ZNF462: variants seen among roughly 807,000 people sequenced by gnomAD.
ZNF462 encodes zinc finger PBX1-interacting protein.
Under a neutral mutation model 201.9 loss-of-function variants are expected in ZNF462, and 10 were observed. The ratio of observed to expected loss-of-function variants is 0.05; its 90% CI spans 0.03 to 0.08. The LOEUF (loss-of-function observed/expected upper bound fraction) is 0.08. Ranked by LOEUF, ZNF462 falls within the 10% of genes least tolerant of loss-of-function variation. The pLI, the probability that ZNF462 is intolerant of heterozygous loss-of-function variation, is 1.00. For missense variants in ZNF462, 2,523 were observed against 3,168.3 expected, an observed-to-expected ratio of 0.80 and a Z score of 4.89; for synonymous variants, 1,227 against 1,193.3, an observed-to-expected ratio of 1.03 and a Z score of -0.58.
rs1272964889 is a variant in ZNF462 at position 107,003,477 on chromosome 9, A to G, written c.7189+51A>G. 1.9e-6 allele frequency: 3 copies of G among 1,599,586 alleles called. No homozygotes were observed. Among genetic ancestry groups the G allele is most frequent in the Non-Finnish European group, 2.6e-6 (3 of 1,173,210 alleles). ...CCCAGATGGCATCTGGCATGTCCGTAGTGAGACAGAAGGGAGGCAGGAGGT... is the reference window on the plus strand; with the variant it reads ...CCCAGATGGCATCTGGCATGTCCGTGGTGAGACAGAAGGGAGGCAGGAGGT... On this transcript the variant is annotated intron_variant, in intron 11 of 12. Transcript: ENST00000277225. The surrounding 1 kb of genome is among the most constrained non-coding windows in gnomAD (Gnocchi z 4.4).
At position 106,870,944 on chromosome 9, in the gene ZNF462, A is replaced by T. The variant is rs566128206; in HGVS notation, c.-31+7589A>T. Among the ~76,000 whole-genome samples, 1 of 152,296 alleles carries T rather than the reference A, an allele frequency of 6.6e-6. No individual in the cohort carries two copies. The highest frequency in any genetic ancestry group is 1.5e-5 in the Non-Finnish European group (1 of 68,032). ...TCAGATTTAAGAAGGTAATGCCATT[A>T]TTCTTCAGTTTTGCTCATGTCAGCT... On this transcript the variant is annotated intron_variant, in intron 1 of 12. Coordinates refer to ENST00000277225, the MANE Select transcript of ZNF462 (RefSeq NM_021224.6). The surrounding 1 kb of genome is among the most constrained non-coding windows in gnomAD (Gnocchi z 4.3).
chr9:106,974,451 G>T lies in ZNF462; in HGVS notation c.6832+178G>T, dbSNP rs1826847648. On this transcript the variant is annotated intron_variant, in intron 9 of 12. Transcript: ENST00000277225. This position sits in a 1 kb window ranked among gnomAD's most constrained non-coding sequence, Gnocchi z 4.0. ...GCCAAAAGGGCAAAAACACCTTCCT[G>T]CTGGGAGTATTTCCTCCACCTGGAG... The T allele has an allele frequency of 5.6e-6, 5 of 897,598 alleles. No homozygotes were observed. In the East Asian group the frequency reaches 9.9e-5, roughly 18 times the overall value. The allele number at this position is 897,598 out of a possible 1,614,324, so 55.6% of individuals were successfully genotyped here.
At position 106,927,020 on chromosome 9, in the gene ZNF462, G is replaced by A. The variant is rs772147552; in HGVS notation, c.3108G>A (p.Ser1036=). ...TTGTTTATGATTGTGATGTTTGTTC[G>A]TTTGCAAGCCCCAACATGCATTCTG... ...TVVVYDCDVC[S]FASPNMHSVL... The change falls in exon 3 of 13, where the codon TCG becomes TCA. Residue 1036 remains serine, a synonymous_variant. Transcript: ENST00000277225. 40 of 1,614,102 alleles carry A rather than the reference G, an allele frequency of 2.5e-5. No individual in the cohort carries two copies. The highest frequency in any genetic ancestry group is 6.7e-5 in the East Asian group (3 of 44,884).
chr9:106,939,248 A>G (rs1830762471), intron 7 of ZNF462, 141 bp downstream of exon 7: 2 of 939,952 alleles, frequency 2.1e-6, no homozygotes, highest in South Asian at 1.9e-5. Context: ...AAAAGTTGAA[A>G]TGGTGTGGAA....
chr9:106,971,638 G>A (rs570557722), intron 7 of ZNF462, among the ~76,000 whole-genome samples: 26 of 151,064 alleles, frequency 1.7e-4, no homozygotes, highest in Middle Eastern at 3.4e-3. Flanking sequence ...CAAACATTCC[G>A]TTATAAAATT....
Position 106,968,206 on chromosome 9 carries a change from G to A in ZNF462, c.6428-3799G>A, listed in dbSNP as rs920529606. ...CCTACCTCTGCTTCTTCGTGTCTAT[G>A]TGACCCGTCATCCTCAGCTTCAGCT... On this transcript the variant is annotated intron_variant, in intron 7 of 12. Coordinates refer to ENST00000277225, the MANE Select transcript of ZNF462 (RefSeq NM_021224.6). The surrounding 1 kb of genome is among the most constrained non-coding windows in gnomAD (Gnocchi z 4.0). 1.3e-5 allele frequency among the ~76,000 whole-genome samples: 2 copies of A among 152,140 alleles called. No individual in the cohort carries two copies. The highest frequency in any genetic ancestry group is 2.9e-5 in the Non-Finnish European group (2 of 68,016).
At chr9:106,864,116 C>CTCA in intron 1 of ZNF462, among the ~76,000 whole-genome samples, 1 of 134,404 alleles carries the variant, frequency 7.4e-6, no homozygotes, top group East Asian at 2.2e-4. Context: ...CTCTCCCTCT[C>CTCA]CCCGAAGTTG....
upstream of ZNF462, among the ~76,000 whole-genome samples, chr9:106,861,276 A>C (rs942533105): frequency 1.3e-5 from 2 of 151,940 alleles, no homozygotes; most frequent in Admixed American, 1.3e-4. Context: ...AGATCTGTTT[A>C]TGAAGCCCCG....
intron 1 of ZNF462, among the ~76,000 whole-genome samples, chr9:106,875,708 A>G (rs1827800685): frequency 6.6e-6 from 1 of 152,208 alleles, no homozygotes; most frequent in African/African-American, 2.4e-5. Context: ...AACAACCTGT[A>G]TCAGAAGTGA....
At chr9:106,965,829 C>T (rs924562508) in intron 7 of ZNF462, among the ~76,000 whole-genome samples, 3 of 152,074 alleles carry the variant, frequency 2.0e-5, no homozygotes, top group Non-Finnish European at 4.4e-5. Context: ...GGATCACTGT[C>T]GCATACATGA....
chr9:106,909,574 AT>A (rs1360049949), intron 1 of ZNF462, among the ~76,000 whole-genome samples: 1 of 152,124 alleles, frequency 6.6e-6, no homozygotes, highest in African/African-American at 2.4e-5. Context: ...TTAGAAAATC[AT>A]TTTTTATTAC....
rs950364140 is a variant in ZNF462, at chr9:106,865,590, T to C, written c.-31+2235T>C. On this transcript the variant is annotated intron_variant, in intron 1 of 12. Coordinates refer to ENST00000277225, the MANE Select transcript of ZNF462 (RefSeq NM_021224.6). This position sits in a 1 kb window ranked among gnomAD's most constrained non-coding sequence, Gnocchi z 4.1. Reference sequence around the variant, plus strand: ...GTCGTTCCATTTGTATGTTAGGCCTTCTTTCAGTTTCTTTGTTTCCCCTTT... The same window carrying C: ...GTCGTTCCATTTGTATGTTAGGCCTCCTTTCAGTTTCTTTGTTTCCCCTTT... 6.6e-6 allele frequency among the ~76,000 whole-genome samples: 1 copy of C among 152,240 alleles called. No individual in the cohort carries two copies. Among genetic ancestry groups the C allele is most frequent in the Non-Finnish European group, 1.5e-5 (1 of 68,046 alleles).
At chr9:106,943,650 C>G (rs998844884) in intron 7 of ZNF462, among the ~76,000 whole-genome samples, 4 of 152,198 alleles carry the variant, frequency 2.6e-5, no homozygotes, top group African/African-American at 9.6e-5. Context: ...ACTCTTATTA[C>G]TCTTCCTGGT....
At chr9:106,975,933 A>G (rs866771452) in intron 9 of ZNF462, 9 of 152,250 alleles carry the variant, frequency 5.9e-5, no homozygotes, top group African/African-American at 2.2e-4. Flanking sequence ...TTACACGCAC[A>G]GTCACTTCAT....
In ZNF462 at chr9:106,924,506, T is replaced by A. The variant is rs373686378; in HGVS notation, c.594T>A (p.Ala198=). The A allele has an allele frequency of 1.2e-6, 2 of 1,614,108 alleles. No individual in the cohort carries two copies. The highest frequency in any genetic ancestry group is 3.3e-5 in the Admixed American group (2 of 60,018). The change falls in exon 3 of 13, where the codon GCT becomes GCA. Residue 198 remains alanine, a synonymous_variant. Transcript: ENST00000277225. The surrounding 1 kb of genome is among the most constrained non-coding windows in gnomAD (Gnocchi z 6.2). The part of the protein sequence containing the change: ...NLKETTAPPP[A]PAPMPDPVVP... ...AGGAGACCACTGCTCCCCCACCTGCTCCTGCTCCAATGCCAGACCCTGTGG... is the reference window on the plus strand; with the variant it reads ...AGGAGACCACTGCTCCCCCACCTGCACCTGCTCCAATGCCAGACCCTGTGG...
At chr9:106,986,767 C>G (rs1167985304) in intron 10 of ZNF462, among the ~76,000 whole-genome samples, 2 of 152,078 alleles carry the variant, frequency 1.3e-5, no homozygotes, top group Non-Finnish European at 2.9e-5. Context: ...CCTTGCCCCC[C>G]TCCACCCTTC....
At position 107,010,390 on chromosome 9, in the gene ZNF462, TA is replaced by T. The variant is rs1322789110; in HGVS notation, c.7314-430del. Among the ~76,000 whole-genome samples the T allele has an allele frequency of 6.6e-6, 1 of 152,114 alleles. No homozygotes were observed. The highest frequency in any genetic ancestry group is 2.4e-5 in the African/African-American group (1 of 41,438). ...GTGATTTGTTTCGGGACCTGACAAATAAATCTTTAGTACCTGAGTTACTCTT... is the reference window on the plus strand; with the variant it reads ...GTGATTTGTTTCGGGACCTGACAAATAATCTTTAGTACCTGAGTTACTCTT... On this transcript the variant is annotated intron_variant, in intron 12 of 12. Transcript: ENST00000277225. This position sits in a 1 kb window ranked among gnomAD's most constrained non-coding sequence, Gnocchi z 4.6.
intron 1 of ZNF462, among the ~76,000 whole-genome samples, chr9:106,874,835 T>A (rs1480797334): frequency 6.6e-6 from 1 of 152,200 alleles, no homozygotes; most frequent in Non-Finnish European, 1.5e-5. Flanking sequence ...GTTGACTCAG[T>A]GTTTCAGAAT....
At chr9:107,000,965 G>T (rs78723429) in intron 10 of ZNF462, among the ~76,000 whole-genome samples, 2,571 of 152,230 alleles carry the variant, frequency 0.017, 33 homozygotes, top group Non-Finnish European at 0.028. Flanking sequence ...ATGAATGAAT[G>T]AATTAAAACA....
Sources: gnomAD v4.1 joint callset for allele counts (sites outside exome capture counted in the v4.1 genomes callset) on GRCh38, gnomAD v4.1.1 for gene constraint, Gnocchi (gnomAD v3.1) non-coding constraint, MANE v1.5 for transcripts, NCBI Gene and HGNC (gene_info 2026-07-23, HGNC 2026-07-21) for gene names.